The following APBB2 variants were observed in gnomAD, a reference collection of about 807,000 sequenced individuals.
The protein encoded by APBB2 is Fe65-like 1.
A neutral mutation model predicts 82.5 loss-of-function variants in APBB2; 38 were observed. The ratio of observed to expected loss-of-function variants is 0.46; its 90% CI spans 0.36 to 0.60. The LOEUF (loss-of-function observed/expected upper bound fraction) is 0.60, where lower values mean the gene tolerates loss of function less well. Among genes scored for constraint, APBB2 ranks in the 20% least tolerant of loss-of-function variants. The pLI is 0.00. For missense variants in APBB2, 772 were observed against 972.3 expected (o/e 0.79, Z 2.74); for synonymous variants, 341 against 368.2 (o/e 0.93, Z 0.85).
chr4:40,946,346 G>A (rs1213768469), intron 6 of APBB2, among the ~76,000 whole-genome samples: 1 of 151,596 alleles, frequency 6.6e-6, no homozygotes, highest in Non-Finnish European at 1.5e-5. Context: ...AACATGTGAA[G>A]CAGAGTGTGA....
intron 3 of APBB2, among the ~76,000 whole-genome samples, chr4:41,083,562 C>A (rs943395582): frequency 1.3e-5 from 2 of 151,816 alleles, no homozygotes; most frequent in Admixed American, 6.6e-5. Context: ...GTAGCCCGCA[C>A]CTATAGTCGC....
At chr4:41,087,639 AG>A (rs1291429814) in intron 3 of APBB2, among the ~76,000 whole-genome samples, 3 of 151,554 alleles carry the variant, frequency 2.0e-5, no homozygotes, top group Non-Finnish European at 2.9e-5. Context: ...CATGACGGCC[AG>A]TTGGTCTTAA....
intron 17 of APBB2, among the ~76,000 whole-genome samples, chr4:40,820,746 C>T (rs1212909420): frequency 6.6e-6 from 1 of 152,156 alleles, no homozygotes; most frequent in Non-Finnish European, 1.5e-5. Context: ...AATCAGGCCC[C>T]CACACGCCAT....
intron 3 of APBB2, among the ~76,000 whole-genome samples, chr4:41,066,665 C>T (rs1057497417): frequency 6.6e-6 from 1 of 152,070 alleles, no homozygotes; most frequent in Non-Finnish European, 1.5e-5. Flanking sequence ...CGAGACAAGG[C>T]GATGGAAAAG....
At chr4:40,874,488 T>C (rs1766341785) in intron 12 of APBB2, among the ~76,000 whole-genome samples, 1 of 151,904 alleles carries the variant, frequency 6.6e-6, no homozygotes, top group African/African-American at 2.4e-5. Context: ...ACAACACTTT[T>C]CAGAGAAGGC....
intron 6 of APBB2, among the ~76,000 whole-genome samples, chr4:40,971,328 C>A (rs1271920584): frequency 6.6e-6 from 1 of 152,180 alleles, no homozygotes; most frequent in Non-Finnish European, 1.5e-5. Context: ...AATTTTTTTA[C>A]AAGTAATTTC....
At chr4:40,982,455 AT>A (rs1799322185) in intron 6 of APBB2, among the ~76,000 whole-genome samples, 1 of 71,762 alleles carries the variant, frequency 1.4e-5, no homozygotes, top group Non-Finnish European at 3.0e-5. Context: ...GAAAGAAAGA[AT>A]GAATGAATTT....
intron 4 of APBB2, among the ~76,000 whole-genome samples, chr4:41,038,403 C>T (rs1209095077): frequency 6.6e-6 from 1 of 152,186 alleles, no homozygotes; most frequent in African/African-American, 2.4e-5. Flanking sequence ...ATTCCTCCTT[C>T]TCAATGTGCC....
intron 2 of APBB2, among the ~76,000 whole-genome samples, chr4:41,137,454 T>C (rs868250210): frequency 3.9e-5 from 6 of 152,224 alleles, no homozygotes; most frequent in Non-Finnish European, 8.8e-5. Context: ...TCATCTACCA[T>C]ATTAGATTTC....
At chr4:41,169,709 G>A (rs1767720162) in intron 1 of APBB2, among the ~76,000 whole-genome samples, 2 of 152,092 alleles carry the variant, frequency 1.3e-5, no homozygotes, top group South Asian at 2.1e-4. Flanking sequence ...TGCCTCCATC[G>A]AACATTTTCC....
chr4:40,829,258 G>C (rs1250923201), intron 13 of APBB2, among the ~76,000 whole-genome samples: 2 of 152,078 alleles, frequency 1.3e-5, no homozygotes, highest in Non-Finnish European at 2.9e-5. Flanking sequence ...TCTGCTCTCT[G>C]CTCACTTTTG....
intron 12 of APBB2, among the ~76,000 whole-genome samples, chr4:40,837,112 CAG>C (rs1487433619): frequency 2.6e-5 from 4 of 152,198 alleles, no homozygotes; most frequent in Admixed American, 6.5e-5. Context: ...CCTCCACACT[CAG>C]AGTGTTCCTG....
chr4:41,143,166 C>T (rs564998392), intron 1 of APBB2, 24 bp from the exon 2 acceptor site: 1 of 152,348 alleles, frequency 6.6e-6, no homozygotes, highest in South Asian at 2.1e-4. Context: ...GGCCAGAAGC[C>T]ATTATAAGGA....
chr4:40,930,502 G>A (rs1783962577), intron 10 of APBB2, among the ~76,000 whole-genome samples: 2 of 151,768 alleles, frequency 1.3e-5, no homozygotes, highest in Admixed American at 6.6e-5. Context: ...TGTGTGTGGT[G>A]ATTTTGTGTT....
intron 1 of APBB2, among the ~76,000 whole-genome samples, chr4:41,163,840 C>G (rs1765801314): frequency 6.6e-6 from 1 of 152,126 alleles, no homozygotes; most frequent in African/African-American, 2.4e-5. Context: ...AAATTCAAGT[C>G]TAAAAATTTT....
chr4:41,137,056 A>C (rs1195947412), intron 2 of APBB2, among the ~76,000 whole-genome samples: 1 of 152,226 alleles, frequency 6.6e-6, no homozygotes, highest in East Asian at 1.9e-4. Context: ...TAAAAACAGA[A>C]TAGGTAAATA....
chr4:41,158,245 A>T lies in APBB2; in HGVS notation c.-416-15103T>A, dbSNP rs144988583. ...TGTCAGAATTAAATAATACAGTAAA[A>T]GCACCTGAATTGGCTATTATTACTA... is the stretch of plus-strand genomic sequence containing the variant. On this transcript the variant is annotated intron_variant, in intron 1 of 17. Transcript: ENST00000508593. 2.8e-3 allele frequency among the ~76,000 whole-genome samples: 431 copies of T among 152,280 alleles called. 2 individuals are homozygous for T. Among genetic ancestry groups the T allele is most frequent in the African/African-American group, 9.9e-3 (412 of 41,550 alleles).
At chr4:41,049,243 G>T (rs1270886855) in intron 4 of APBB2, among the ~76,000 whole-genome samples, 1 of 149,764 alleles carries the variant, frequency 6.7e-6, no homozygotes, top group East Asian at 2.0e-4. Flanking sequence ...CCGCGACCCC[G>T]TCTGGGAGGT....
Position 40,881,538 on chromosome 4 carries a change from T to TTTTTTTTC in APBB2, c.1529+8825_1529+8826insGAAAAAAA, listed in dbSNP as rs1768593932. 2 of 243,204 alleles carry TTTTTTTTC rather than the reference T, an allele frequency of 8.2e-6. 1 individual carries two copies. Among genetic ancestry groups the TTTTTTTTC allele is most frequent in the Non-Finnish European group, 1.2e-5 (2 of 161,320 alleles). The allele number at this position is 243,204 out of a possible 1,614,324, so 15.1% of individuals were successfully genotyped here. On this transcript the variant is annotated intron_variant, in intron 12 of 17. Transcript: ENST00000508593. Reference sequence around the variant, plus strand: ...TTTATCTTTTCTTTTCTTTTTCTTTTTTTTTTTTTTTTTGATACAGACTCT... The same window carrying TTTTTTTTC: ...TTTATCTTTTCTTTTCTTTTTCTTTTTTTTTTTCTTTTTTTTTTTTTGATACAGACTCT...
Sources: gnomAD v4.1 joint callset for allele counts (sites outside exome capture counted in the v4.1 genomes callset) on GRCh38, gnomAD v4.1.1 for gene constraint, MANE v1.5 for transcripts, NCBI Gene and HGNC (gene_info 2026-07-23, HGNC 2026-07-21) for gene names.